The following UBTF variants were observed in gnomAD, a reference collection of about 807,000 sequenced individuals.
UBTF encodes the protein nucleolar transcription factor 1.
In UBTF, 8 loss-of-function variants were observed where a neutral mutation model predicts 112.3. That is an observed-to-expected ratio of 0.07 (90% CI 0.04 to 0.13). The LOEUF (loss-of-function observed/expected upper bound fraction) is 0.13, where lower values mean the gene tolerates loss of function less well. Among genes scored for constraint, UBTF ranks in the 10% least tolerant of loss-of-function variants. The pLI is 1.00. For missense variants in UBTF, 457 were observed against 982.1 expected (o/e 0.47, Z 7.15); for synonymous variants, 417 against 373.1 (o/e 1.12, Z -1.36).
rs1376843043 is a variant in UBTF at position 44,206,909 on chromosome 17, C to A, written c.*333G>T. 4.7e-6 allele frequency: 2 copies of A among 425,040 alleles called. No homozygotes were observed. The highest frequency in any genetic ancestry group is 8.3e-6 in the Non-Finnish European group (2 of 240,090). The allele number at this position is 425,040 out of a possible 1,614,324, so 26.3% of individuals were successfully genotyped here. Reference sequence around the variant, plus strand: ...AGGGCCTCATCAAACTCTTTGGGACCCCCCACCCCCACTCTCCGGTCCATT... The same window carrying A: ...AGGGCCTCATCAAACTCTTTGGGACACCCCACCCCCACTCTCCGGTCCATT... On this transcript the variant is annotated 3_prime_UTR_variant, in exon 21 of 21. Coordinates refer to ENST00000436088, the MANE Select transcript of UBTF (RefSeq NM_014233.4).
chr17:44,212,900 C>A lies in UBTF; in HGVS notation c.579G>T (p.Ser193=), dbSNP rs144482905. The part of the protein sequence containing the change: ...HPDLIQNAKK[S]DIPEKPKTPQ... ...GGGTTTTGGGCTTCTCTGGGATGTC[C>A]GATTTCTTGGCATTCTGGATTAGGT... The change falls in exon 7 of 21, where the codon TCG becomes TCT. Residue 193 remains serine, a synonymous_variant. Coordinates refer to ENST00000436088, the MANE Select transcript of UBTF (RefSeq NM_014233.4). 1.2e-6 allele frequency: 2 copies of A among 1,614,078 alleles called. No homozygotes were observed. Among genetic ancestry groups the A allele is most frequent in the Non-Finnish European group, 1.7e-6 (2 of 1,179,946 alleles).
rs2056219151 is a variant in UBTF at position 44,205,945 on chromosome 17, GGGA to G, written c.*1294_*1296del. 1 of 152,182 alleles carries G rather than the reference GGGA, an allele frequency of 6.6e-6. No individual in the cohort carries two copies. Among genetic ancestry groups the G allele is most frequent in the Non-Finnish European group, 1.5e-5 (1 of 68,038 alleles). The allele number at this position is 152,182 out of a possible 1,614,324, so 9.4% of individuals were successfully genotyped here. On this transcript the variant is annotated 3_prime_UTR_variant, in exon 21 of 21. Coordinates refer to ENST00000436088, the MANE Select transcript of UBTF (RefSeq NM_014233.4). ...ACTTCTTGCCCAGCTGTGGGGTTGG[GGGA>G]GGAGGGAGCAGACCTGAGAAATTAA...
intron 5 of UBTF, 40 bp from the exon 6 acceptor site, chr17:44,213,322 G>A (rs2033283828): frequency 6.3e-7 from 1 of 1,599,760 alleles, no homozygotes; most frequent in African/African-American, 1.3e-5. Context: ...GGACCCAAGG[G>A]TATCTCACCC....
In UBTF at chr17:44,209,320, C is replaced by CT. The variant is rs769431962; in HGVS notation, c.1905+31dup. On this transcript the variant is annotated intron_variant, in intron 17 of 20. Transcript: ENST00000436088. ...GGTGCTGGCTTAGTCTGATGCCTCT[C>CT]TGTTCCTTCCAAGGGTCCCTTGCCC... 22 of 1,561,446 alleles carry CT rather than the reference C, an allele frequency of 1.4e-5. No homozygotes were observed. In the East Asian group the frequency reaches 4.7e-4, roughly 34 times the overall value.
chr17:44,211,529 G>T lies in UBTF; in HGVS notation c.1047+77C>A. On this transcript the variant is annotated intron_variant, in intron 10 of 20. Transcript: ENST00000436088. The surrounding 1 kb of genome is among the most constrained non-coding windows in gnomAD (Gnocchi z 4.9). ...CAGGTACCCAAGGCACACGCCACCA[G>T]GGACTGACTGGCCCAAGATGGGATC... 6.4e-7 allele frequency: 1 copy of T among 1,569,512 alleles called. No individual in the cohort carries two copies.
intron 3 of UBTF, 100 bp downstream of exon 3, chr17:44,216,429 C>T: frequency 7.2e-7 from 1 of 1,389,864 alleles, no homozygotes; most frequent in Non-Finnish European, 1.0e-6. Flanking sequence ...ACATGAATGC[C>T]TCTCCTGGTC....
At chr17:44,217,276 T>G (rs772800532) in intron 2 of UBTF, among the ~76,000 whole-genome samples, 10 of 152,020 alleles carry the variant, frequency 6.6e-5, no homozygotes, top group Non-Finnish European at 1.0e-4. Context: ...AAGGGAGAAT[T>G]TCTGGCAAAT....
rs769982895 is a variant in UBTF, at chr17:44,211,785, C to T, written c.906-38G>A. Reference sequence around the variant, plus strand: ...CGGGGAGAGAGGTGCAGCCCGTAAGCGAGCAGGGCAGCAGGCCTTCTCACC... The same window carrying T: ...CGGGGAGAGAGGTGCAGCCCGTAAGTGAGCAGGGCAGCAGGCCTTCTCACC... On this transcript the variant is annotated intron_variant, in intron 9 of 20. Transcript: ENST00000436088. This position sits in a 1 kb window ranked among gnomAD's most constrained non-coding sequence, Gnocchi z 4.9. 41 of 1,598,840 alleles carry T rather than the reference C, an allele frequency of 2.6e-5. No individual in the cohort carries two copies. Among genetic ancestry groups the T allele is most frequent in the South Asian group, 1.9e-4 (17 of 90,362 alleles).
At chr17:44,212,759 C>T (rs1434896017) in intron 7 of UBTF, 60 bp downstream of exon 7, 9 of 1,598,674 alleles carry the variant, frequency 5.6e-6, no homozygotes, top group South Asian at 3.4e-5. Flanking sequence ...CGACCTGGCG[C>T]GGCTCCCCCC....
At position 44,211,549 on chromosome 17, in the gene UBTF, G is replaced by A. The variant is rs1209746751; in HGVS notation, c.1047+57C>T. 3.2e-6 allele frequency: 5 copies of A among 1,580,558 alleles called. No individual in the cohort carries two copies. The highest frequency in any genetic ancestry group is 4.3e-6 in the Non-Finnish European group (5 of 1,163,720). On this transcript the variant is annotated intron_variant, in intron 10 of 20. Transcript: ENST00000436088. This position sits in a 1 kb window ranked among gnomAD's most constrained non-coding sequence, Gnocchi z 4.9. ...CACCAGGGACTGACTGGCCCAAGAT[G>A]GGATCAGACCTCATGCTTCAAAACC...
In UBTF at chr17:44,212,901, G is replaced by A. The variant is rs532196673; in HGVS notation, c.578C>T (p.Ser193Leu). 3 of 1,614,098 alleles carry A rather than the reference G, an allele frequency of 1.9e-6. No individual in the cohort carries two copies. The highest frequency in any genetic ancestry group is 1.3e-5 in the African/African-American group (1 of 75,052). ...GGTTTTGGGCTTCTCTGGGATGTCC[G>A]ATTTCTTGGCATTCTGGATTAGGTC... The part of the protein sequence containing the change: ...HPDLIQNAKK[S>L]DIPEKPKTPQ... The change falls in exon 7 of 21, where the codon TCG (serine) becomes TTG (leucine). Residue 193 changes from serine (S) to leucine (L), a missense_variant. Around this residue, in one of 7 missense-constraint regions of UBTF, gnomAD observed 87 missense variants for 286.6 expected, o/e 0.30. Coordinates refer to ENST00000436088, the MANE Select transcript of UBTF (RefSeq NM_014233.4).
intron 4 of UBTF, 30 bp from the exon 5 acceptor site, chr17:44,215,839 G>C: frequency 1.2e-6 from 2 of 1,614,034 alleles, no homozygotes; most frequent in Non-Finnish European, 1.7e-6. Flanking sequence ...CACAATGGAG[G>C]TCAAATACAT....
upstream of UBTF, chr17:44,220,868 G>A (rs1336516503): frequency 2.0e-5 from 3 of 152,138 alleles, no homozygotes; most frequent in Non-Finnish European, 4.4e-5. Context: ...ATGGCGAAGC[G>A]GAGCGACGGC....
chr17:44,218,989 C>T (rs1040237529), intron 1 of UBTF: 1 of 150,358 alleles, frequency 6.7e-6, no homozygotes, highest in Non-Finnish European at 1.5e-5. Context: ...CCGCCACCGC[C>T]CAGCCACCCC....
At chr17:44,212,769 C>G (rs754954549) in intron 7 of UBTF, 50 bp downstream of exon 7, 8 of 1,605,898 alleles carry the variant, frequency 5.0e-6, no homozygotes, top group African/African-American at 1.3e-5. Flanking sequence ...CGGCTCCCCC[C>G]TGGCCACCGC....
intron 7 of UBTF, 78 bp downstream of exon 7, chr17:44,212,741 T>C: frequency 3.2e-6 from 5 of 1,585,338 alleles, no homozygotes; most frequent in South Asian, 2.4e-5. Context: ...CCCTGCACCG[T>C]GCCCGGCCGA....
Position 44,207,550 on chromosome 17 carries a change from A to G in UBTF, c.2073T>C (p.Asp691=). 1 of 1,613,086 alleles carries G rather than the reference A, an allele frequency of 6.2e-7. No homozygotes were observed. Among genetic ancestry groups the G allele is most frequent in the Non-Finnish European group, 8.5e-7 (1 of 1,179,768 alleles). ...DEEDEDDEDE[D]EEEEDDENGD... The stretch of plus-strand genomic sequence containing the variant: ...CATTCTCATCATCTTCCTCTTCTTC[A>G]TCCTCGTCCTCGTCATCCTCATCCT... The change falls in exon 20 of 21, where the codon GAT becomes GAC. Residue 691 remains aspartate (D), a synonymous_variant. Coordinates refer to ENST00000436088, the MANE Select transcript of UBTF (RefSeq NM_014233.4).
In UBTF at chr17:44,212,722, C is replaced by T. The variant is rs1393268178; in HGVS notation, c.660+97G>A. On this transcript the variant is annotated intron_variant, in intron 7 of 20. Transcript: ENST00000436088. Reference sequence around the variant, plus strand: ...GCCCACCCCTGGGGAGGGGCCTCCTCTCCTGCTCCCCTGCACCGTGCCCGG... The same window carrying T: ...GCCCACCCCTGGGGAGGGGCCTCCTTTCCTGCTCCCCTGCACCGTGCCCGG... The T allele has an allele frequency of 3.8e-6, 6 of 1,562,832 alleles. No homozygotes were observed. In the East Asian group the frequency reaches 1.1e-4, roughly 29 times the overall value.
At position 44,211,792 on chromosome 17, in the gene UBTF, G is replaced by A. The variant is rs1259990214; in HGVS notation, c.906-45C>T. 6 of 1,599,938 alleles carry A rather than the reference G, an allele frequency of 3.8e-6. No individual in the cohort carries two copies. The highest frequency in any genetic ancestry group is 5.1e-6 in the Non-Finnish European group (6 of 1,174,774). ...AGAGGTGCAGCCCGTAAGCGAGCAGGGCAGCAGGCCTTCTCACCTGCAGAG... is the reference window on the plus strand; with the variant it reads ...AGAGGTGCAGCCCGTAAGCGAGCAGAGCAGCAGGCCTTCTCACCTGCAGAG... On this transcript the variant is annotated intron_variant, in intron 9 of 20. Transcript: ENST00000436088. This position sits in a 1 kb window ranked among gnomAD's most constrained non-coding sequence, Gnocchi z 4.9.
Sources: allele counts gnomAD v4.1 joint callset (sites outside exome capture counted in the v4.1 genomes callset), GRCh38; gene constraint gnomAD v4.1.1; regional missense constraint gnomAD v4.1.1; non-coding constraint Gnocchi (gnomAD v3.1); transcripts MANE v1.5; gene names NCBI Gene and HGNC (gene_info 2026-07-23, HGNC 2026-07-21).